Variants in PTPRN observed in about 807,000 individuals in gnomAD.
The protein encoded by PTPRN is protein tyrosine phosphatase receptor type N.
In PTPRN, 70 loss-of-function variants were observed where a neutral mutation model predicts 108.5. The ratio of observed to expected loss-of-function variants is 0.65; its 90% CI spans 0.53 to 0.79. The LOEUF (loss-of-function observed/expected upper bound fraction) is 0.79, where lower values mean the gene tolerates loss of function less well. Ranked by LOEUF, PTPRN falls within the 30% of genes least tolerant of loss-of-function variation. The probability of loss-of-function intolerance (pLI) is 0.00; values close to 1 mark genes in which losing one functional copy is unlikely to be tolerated. For synonymous variants in PTPRN, 496 were observed against 524.6 expected, an observed-to-expected ratio of 0.95 and a Z score of 0.75; for missense variants, 1,136 against 1,295.5, an observed-to-expected ratio of 0.88 and a Z score of 1.89.
chr2:219,294,898 T>C, intron 19 of PTPRN, 77 bp downstream of exon 19: 1 of 1,351,752 alleles, frequency 7.4e-7, no homozygotes, highest in Non-Finnish European at 9.6e-7. Flanking sequence ...GACCCGGGGC[T>C]CCAGGCCGAG....
intron 1 of PTPRN, 42 bp downstream of exon 1, chr2:219,309,176 T>TCCCCCCCCCCCCCCCCC: frequency 2.2e-6 from 3 of 1,364,346 alleles, no homozygotes; most frequent in Non-Finnish European, 3.0e-6. Context: ...CCCAAGCTGC[T>TCCCCCCCCCCCCCCCCC]CCCCGCCCCC....
At chr2:219,308,054 C>G (rs1359788610) in intron 1 of PTPRN, 1 of 576,110 alleles carries the variant, frequency 1.7e-6, no homozygotes, top group Admixed American at 3.2e-5. Context: ...GAGTCTGTAT[C>G]CTTAAAAGCC....
chr2:219,302,406 G>T lies in PTPRN; in HGVS notation c.725C>A (p.Ala242Asp), dbSNP rs142106713. 18 of 1,614,024 alleles carry T rather than the reference G, an allele frequency of 1.1e-5. No individual in the cohort carries two copies. The highest frequency in any genetic ancestry group is 1.4e-5 in the Non-Finnish European group (17 of 1,179,980). Residue 242 changes from alanine to aspartate, a missense_variant, in exon 6 of 23, where the codon GCC becomes GAC. Ala to Asp is a moderately radical substitution (Grantham distance 126). Coordinates refer to ENST00000295718, the MANE Select transcript of PTPRN (RefSeq NM_002846.4). The stretch of plus-strand genomic sequence containing the variant: ...CTTGGAGGCAGTTCTGCTGAAGAGG[G>T]CAGGGGCTTCAGCCTTGGGCAGGGG... ...VGPLPKAEAPALFSRTASKGI... is the reference protein window; with the variant it reads ...VGPLPKAEAPDLFSRTASKGI...
intron 19 of PTPRN, 78 bp downstream of exon 19, chr2:219,294,897 C>T (rs935299838): frequency 8.9e-6 from 12 of 1,348,928 alleles, no homozygotes; most frequent in African/African-American, 4.7e-5. Flanking sequence ...CGACCCGGGG[C>T]TCCAGGCCGA....
intron 8 of PTPRN, 104 bp from the exon 9 acceptor site, chr2:219,300,363 T>G: frequency 7.8e-7 from 1 of 1,282,862 alleles, no homozygotes; most frequent in East Asian, 2.5e-5. Context: ...GCTTTTCACT[T>G]TCTACCCCCA....
chr2:219,291,346 C>T, intron 20 of PTPRN, 124 bp downstream of exon 20: 1 of 1,064,740 alleles, frequency 9.4e-7, no homozygotes, highest in South Asian at 1.3e-5. Context: ...CCATTAAAAA[C>T]AGGTGGTGTG....
chr2:219,309,176 T>TGCCCCCCCCCCCCCCC, intron 1 of PTPRN, 42 bp downstream of exon 1: 11 of 1,364,332 alleles, frequency 8.1e-6, no homozygotes, highest in East Asian at 2.7e-5. Flanking sequence ...CCCAAGCTGC[T>TGCCCCCCCCCCCCCCC]CCCCGCCCCC....
In PTPRN at chr2:219,307,478, G is replaced by T. The variant is rs545038681; in HGVS notation, c.246C>A (p.Arg82=). 1 of 1,614,056 alleles carries T rather than the reference G, an allele frequency of 6.2e-7. No homozygotes were observed. The highest frequency in any genetic ancestry group is 8.5e-7 in the Non-Finnish European group (1 of 1,180,038). Residue 82 remains arginine (R), a synonymous_variant, in exon 3 of 23, where the codon CGC becomes CGA. Coordinates refer to ENST00000295718, the MANE Select transcript of PTPRN (RefSeq NM_002846.4). ...LLQVTSPVLQ[R]LQGVLRQLMS... ...TGAGTTGTCGGAGCACACCTTGTAA[G>T]CGTTGGAGAACTGGGGAGGTGACTT...
rs914665570 is a variant in PTPRN, at chr2:219,297,923, G to A, written c.1849C>T (p.Pro617Ser). ...GTAGTGTCACCATGGGCCCCCTCAG[G>A]CCCCAGGGCTGCCAGGCGCTCCTTG... Reference protein sequence around the residue: ...QDKERLAALGPEGAHGDTTFE... With the variant: ...QDKERLAALGSEGAHGDTTFE... The change falls in exon 13 of 23, where the codon CCT becomes TCT. Residue 617 changes from proline to serine, a missense_variant. Pro to Ser is a moderately conservative substitution (Grantham distance 74, BLOSUM62 -1). Transcript: ENST00000295718. This position sits in a 1 kb window ranked among gnomAD's most constrained non-coding sequence, Gnocchi z 6.0. The A allele has an allele frequency of 5.6e-6, 9 of 1,612,546 alleles. No homozygotes were observed. Among genetic ancestry groups the A allele is most frequent in the Admixed American group, 1.7e-5 (1 of 59,904 alleles).
intron 12 of PTPRN, among the ~76,000 whole-genome samples, chr2:219,298,668 C>A (rs906863308): frequency 6.6e-6 from 1 of 152,222 alleles, no homozygotes; most frequent in Non-Finnish European, 1.5e-5. Flanking sequence ...CGAGATCGAG[C>A]CACTGCACTC....
chr2:219,299,867 C>T lies in PTPRN; in HGVS notation c.1437-81G>A, dbSNP rs1404377610. 7 of 1,559,120 alleles carry T rather than the reference C, an allele frequency of 4.5e-6. No individual in the cohort carries two copies. The East Asian group carries it at 1.1e-4, about 25-fold the overall frequency. ...CTTAAAACAGGCCACTCCAGGGGTA[C>T]AGAGCAGCCTGCCAATTCCCTGTCC... On this transcript the variant is annotated intron_variant, in intron 9 of 22. Coordinates refer to ENST00000295718, the MANE Select transcript of PTPRN (RefSeq NM_002846.4).
chr2:219,305,009 T>C lies in PTPRN; in HGVS notation c.281-1178A>G, dbSNP rs565581373. Reference sequence around the variant, plus strand: ...TTATTCCCAACTATTCTACCAAAGCTGCTCTCATCAAGAGCAGCTTTGTCT... The same window carrying C: ...TTATTCCCAACTATTCTACCAAAGCCGCTCTCATCAAGAGCAGCTTTGTCT... On this transcript the variant is annotated intron_variant, in intron 3 of 22. Transcript: ENST00000295718. 2.6e-5 allele frequency among the ~76,000 whole-genome samples: 4 copies of C among 152,288 alleles called. No individual in the cohort carries two copies. The South Asian group carries it at 8.3e-4, about 32-fold the overall frequency.
intron 12 of PTPRN, 50 bp downstream of exon 12, chr2:219,298,997 A>G: frequency 1.2e-6 from 2 of 1,605,104 alleles, no homozygotes; most frequent in Non-Finnish European, 1.7e-6. Context: ...GCTCTTGCGG[A>G]CAACATCAGC....
chr2:219,290,667 C>A lies in PTPRN; in HGVS notation c.2795-56G>T. Reference sequence around the variant, plus strand: ...AGGGGGTGTCCAGAGGAGGACAGGACCCAGAAAACCTGAGGCCTCCTGGAG... The same window carrying A: ...AGGGGGTGTCCAGAGGAGGACAGGAACCAGAAAACCTGAGGCCTCCTGGAG... On this transcript the variant is annotated intron_variant, in intron 21 of 22. Coordinates refer to ENST00000295718, the MANE Select transcript of PTPRN (RefSeq NM_002846.4). This position sits in a 1 kb window ranked among gnomAD's most constrained non-coding sequence, Gnocchi z 4.2. 6.6e-7 allele frequency: 1 copy of A among 1,511,754 alleles called. No homozygotes were observed. 93.6% of individuals were successfully genotyped at this position (1,511,754 alleles called of 1,614,324 possible). A position where few individuals can be genotyped will look rare whatever the true frequency, so the allele number is the denominator to read the frequency against.
At chr2:219,298,858 G>A (rs1952268443) in intron 12 of PTPRN, 189 bp downstream of exon 12, 3 of 690,306 alleles carry the variant, frequency 4.3e-6, no homozygotes, top group Non-Finnish European at 5.2e-6. Context: ...CTGCAGGGAG[G>A]GGACACCTAC....
At chr2:219,309,176 T>TGCCCC in intron 1 of PTPRN, 42 bp downstream of exon 1, 58 of 1,364,282 alleles carry the variant, frequency 4.3e-5, no homozygotes, top group Non-Finnish European at 3.8e-5. Flanking sequence ...CCCAAGCTGC[T>TGCCCC]CCCCGCCCCC....
chr2:219,294,917 G>T (rs1030941916), intron 19 of PTPRN, 58 bp downstream of exon 19: 4 of 1,376,234 alleles, frequency 2.9e-6, no homozygotes, highest in Middle Eastern at 2.7e-4. Flanking sequence ...AGCGGCGGGC[G>T]GACCCCGGCT....
At position 219,302,371 on chromosome 2, in the gene PTPRN, C is replaced by T. The variant is rs767066583; in HGVS notation, c.760G>A (p.Gly254Arg). Residue 254 changes from glycine to arginine, a missense_variant, in exon 6 of 23, where the codon GGG becomes AGG. By Grantham distance (125) the Gly-to-Arg change is moderately radical. Coordinates refer to ENST00000295718, the MANE Select transcript of PTPRN (RefSeq NM_002846.4). The stretch of plus-strand genomic sequence containing the variant: ...CCGTAGGAGTGGCCAGGGTGGTCCC[C>T]AAATATGCCCTTGGAGGCAGTTCTG... ...FSRTASKGIF[G>R]DHPGHSYGDL... The T allele has an allele frequency of 9.9e-6, 16 of 1,613,944 alleles. No homozygotes were observed. Among genetic ancestry groups the T allele is most frequent in the Non-Finnish European group, 1.4e-5 (16 of 1,179,872 alleles).
chr2:219,299,619 C>T, intron 10 of PTPRN, 81 bp downstream of exon 10: 1 of 1,377,634 alleles, frequency 7.3e-7, no homozygotes, highest in Non-Finnish European at 1.0e-6. Context: ...TGCTCTTCCT[C>T]CCGCAGGCCC....
Sources: allele counts gnomAD v4.1 joint callset (sites outside exome capture counted in the v4.1 genomes callset), GRCh38; gene constraint gnomAD v4.1.1; non-coding constraint Gnocchi (gnomAD v3.1); transcripts MANE v1.5; gene names NCBI Gene and HGNC (gene_info 2026-07-23, HGNC 2026-07-21).